Variants in SAMD4A observed in about 807,000 individuals in gnomAD.
SAMD4A encodes protein Smaug homolog 1.
In SAMD4A, 33 loss-of-function variants were observed where a neutral mutation model predicts 81.3. The observed-to-expected ratio is 0.41, with a 90% confidence interval of 0.31 to 0.54. The LOEUF (loss-of-function observed/expected upper bound fraction) is 0.54, where lower values mean the gene tolerates loss of function less well. Ranked by LOEUF, SAMD4A falls within the 20% of genes least tolerant of loss-of-function variation. The probability of loss-of-function intolerance (pLI) is 0.37; values close to 1 mark genes in which losing one functional copy is unlikely to be tolerated. For missense variants in SAMD4A, 854 were observed against 951.1 expected (o/e 0.90, Z 1.34); for synonymous variants, 389 against 382.1 (o/e 1.02, Z -0.21).
chr14:54,612,282 C>T (rs1307087715), intron 2 of SAMD4A, among the ~76,000 whole-genome samples: 1 of 151,976 alleles, frequency 6.6e-6, no homozygotes, highest in Non-Finnish European at 1.5e-5. Flanking sequence ...CAGTCTGTCC[C>T]TTAATGTTCT....
intron 2 of SAMD4A, among the ~76,000 whole-genome samples, chr14:54,677,514 A>G (rs2036017771): frequency 6.6e-6 from 1 of 152,232 alleles, no homozygotes; most frequent in Admixed American, 6.5e-5. Flanking sequence ...CCCAGGCTGC[A>G]CAATGCCATG....
intron 2 of SAMD4A, among the ~76,000 whole-genome samples, chr14:54,653,699 AG>A (rs2035458359): frequency 6.6e-6 from 1 of 152,048 alleles, no homozygotes; most frequent in South Asian, 2.1e-4. Flanking sequence ...GCTTCTCTTG[AG>A]GCAATAATTG....
chr14:54,631,161 TC>T (rs1881860534), intron 2 of SAMD4A, among the ~76,000 whole-genome samples: 1 of 152,090 alleles, frequency 6.6e-6, no homozygotes, highest in Non-Finnish European at 1.5e-5. Flanking sequence ...GGAGGAATTC[TC>T]CCTTACTCAA....
intron 2 of SAMD4A, among the ~76,000 whole-genome samples, chr14:54,605,702 G>T (rs2034179461): frequency 6.6e-6 from 1 of 151,902 alleles, no homozygotes; most frequent in African/African-American, 2.4e-5. Flanking sequence ...TTGCTCCATT[G>T]TTTGGTATGT....
intron 2 of SAMD4A, among the ~76,000 whole-genome samples, chr14:54,604,937 T>G (rs550023677): frequency 1.2e-3 from 186 of 152,348 alleles, no homozygotes; most frequent in African/African-American, 4.3e-3. Context: ...TGCATTGCAG[T>G]GTTTTATTTG....
At chr14:54,656,001 TGTTTGGCA>T (rs2035511422) in intron 2 of SAMD4A, among the ~76,000 whole-genome samples, 2 of 152,184 alleles carry the variant, frequency 1.3e-5, no homozygotes, top group African/African-American at 4.8e-5. Context: ...CTTAAAATAG[TGTTTGGCA>T]TATAATAAAT....
chr14:54,705,440 A>G (rs11849797), intron 3 of SAMD4A, among the ~76,000 whole-genome samples: 9,408 of 152,244 alleles, frequency 0.062, 825 homozygotes, highest in African/African-American at 0.18. Context: ...ACCTCTTTCA[A>G]AGTGGAAAAA....
chr14:54,631,286 T>C (rs1347178396), intron 2 of SAMD4A, among the ~76,000 whole-genome samples: 4 of 152,044 alleles, frequency 2.6e-5, no homozygotes, highest in Non-Finnish European at 5.9e-5. Context: ...GTTAATCTCA[T>C]CCCAAAACAC....
chr14:54,784,438 T>TC, intron 11 of SAMD4A, 99 bp from the exon 12 acceptor site: 1 of 1,612,924 alleles, frequency 6.2e-7, no homozygotes, highest in Non-Finnish European at 8.5e-7. Context: ...CCCCAAGTCC[T>TC]CCCAGGGAGG....
At chr14:54,648,357 T>A (rs1328939617) in intron 2 of SAMD4A, among the ~76,000 whole-genome samples, 1 of 152,140 alleles carries the variant, frequency 6.6e-6, no homozygotes, top group African/African-American at 2.4e-5. Context: ...AGCCAACTTA[T>A]TGTGGGTTGA....
chr14:54,732,716 C>T (rs899934656), intron 3 of SAMD4A, among the ~76,000 whole-genome samples: 5 of 152,150 alleles, frequency 3.3e-5, no homozygotes, highest in South Asian at 2.1e-4. Flanking sequence ...TTATGTGGAT[C>T]ACTTTTCTCC....
intron 2 of SAMD4A, among the ~76,000 whole-genome samples, chr14:54,640,393 G>A (rs1208615438): frequency 6.6e-6 from 1 of 152,128 alleles, no homozygotes; most frequent in Non-Finnish European, 1.5e-5. Flanking sequence ...ATTATTTATT[G>A]ATTTAGAAGA....
At chr14:54,664,840 C>CAT (rs1201233887) in intron 2 of SAMD4A, among the ~76,000 whole-genome samples, 6 of 149,570 alleles carry the variant, frequency 4.0e-5, no homozygotes, top group Non-Finnish European at 6.0e-5. Flanking sequence ...CACACACACA[C>CAT]ACACACACAC....
At chr14:54,668,380 G>A (rs1254669173) in intron 2 of SAMD4A, among the ~76,000 whole-genome samples, 1 of 152,222 alleles carries the variant, frequency 6.6e-6, no homozygotes, top group Non-Finnish European at 1.5e-5. Flanking sequence ...TCATAGAATC[G>A]CTCAGATGGC....
intron 11 of SAMD4A, among the ~76,000 whole-genome samples, chr14:54,781,053 T>C (rs943601900): frequency 1.3e-5 from 2 of 152,198 alleles, no homozygotes; most frequent in Non-Finnish European, 2.9e-5. Flanking sequence ...TCCCTTTTTG[T>C]CTTCCCTGCT....
intron 2 of SAMD4A, among the ~76,000 whole-genome samples, chr14:54,700,218 G>C (rs901804945): frequency 6.6e-6 from 1 of 152,042 alleles, no homozygotes; most frequent in Admixed American, 6.6e-5. Flanking sequence ...GCTACTTTAC[G>C]TTATTTAATC....
intron 2 of SAMD4A, among the ~76,000 whole-genome samples, chr14:54,602,745 A>G (rs780294464): frequency 4.6e-5 from 7 of 151,966 alleles, no homozygotes; most frequent in Non-Finnish European, 7.4e-5. Flanking sequence ...ATGTATACAT[A>G]TGTAACAAAC....
chr14:54,757,133 C>G (rs1463441560), intron 6 of SAMD4A, among the ~76,000 whole-genome samples: 1 of 152,146 alleles, frequency 6.6e-6, no homozygotes, highest in East Asian at 1.9e-4. Context: ...CTGTTTCCTT[C>G]TCAATTTGGG....
chr14:54,669,809 C>T (rs747251573), intron 2 of SAMD4A, among the ~76,000 whole-genome samples: 14 of 152,142 alleles, frequency 9.2e-5, no homozygotes, highest in African/African-American at 1.4e-4. Context: ...GGAAAGATGA[C>T]GTTGCCAGCA....
Sources: allele counts gnomAD v4.1 joint callset (sites outside exome capture counted in the v4.1 genomes callset), GRCh38; gene constraint gnomAD v4.1.1; transcripts MANE v1.5; gene names NCBI Gene and HGNC (gene_info 2026-07-23, HGNC 2026-07-21).